ADARB2: variants seen among roughly 807,000 people sequenced by gnomAD.
The protein encoded by ADARB2 is adenosine deaminase RNA specific B2 (inactive), also known as inactive double-stranded RNA-specific editase B2.
Under a neutral mutation model 62.2 loss-of-function variants are expected in ADARB2, and 25 were observed. That is an observed-to-expected ratio of 0.40 (90% CI 0.29 to 0.56). The LOEUF (loss-of-function observed/expected upper bound fraction) is 0.56, where lower values mean the gene tolerates loss of function less well. Ranked by LOEUF, ADARB2 falls within the 20% of genes least tolerant of loss-of-function variation. The pLI is 0.43. For missense variants in ADARB2, 1,071 were observed against 1,077.4 expected (o/e 0.99, Z 0.08); for synonymous variants, 572 against 500.8 (o/e 1.14, Z -1.90).
At chr10:1,698,283 G>A (rs1407103570) in intron 1 of ADARB2, among the ~76,000 whole-genome samples, 4 of 152,164 alleles carry the variant, frequency 2.6e-5, no homozygotes, top group Non-Finnish European at 4.4e-5. Context: ...ATTAGCAGGT[G>A]CGGGACACGG....
intron 1 of ADARB2, among the ~76,000 whole-genome samples, chr10:1,727,732 C>T (rs1257254053): frequency 2.6e-5 from 4 of 151,908 alleles, no homozygotes; most frequent in African/African-American, 7.3e-5. Context: ...TATTTTTGTT[C>T]CCTGTTCGGA....
intron 4 of ADARB2, among the ~76,000 whole-genome samples, chr10:1,249,819 C>A (rs984317327): frequency 6.6e-6 from 1 of 151,894 alleles, no homozygotes; most frequent in Non-Finnish European, 1.5e-5. Flanking sequence ...GTCTGGAAAC[C>A]TCCAGAGAAT....
intron 1 of ADARB2, among the ~76,000 whole-genome samples, chr10:1,521,711 A>G (rs1339296577): frequency 2.0e-5 from 3 of 152,188 alleles, no homozygotes; most frequent in Non-Finnish European, 4.4e-5. Context: ...CTTTGGACAA[A>G]TTCAACCAAT....
chr10:1,563,745 G>A (rs1293808360), intron 1 of ADARB2, among the ~76,000 whole-genome samples: 1 of 147,992 alleles, frequency 6.8e-6, no homozygotes, highest in Non-Finnish European at 1.5e-5. Flanking sequence ...TCGTCATCTA[G>A]CATTAGGTAT....
intron 1 of ADARB2, among the ~76,000 whole-genome samples, chr10:1,407,880 T>C (rs1832720433): frequency 6.6e-6 from 1 of 152,172 alleles, no homozygotes; most frequent in Admixed American, 6.5e-5. Flanking sequence ...ACCCAAAGCC[T>C]CCCAGCAGAA....
chr10:1,590,099 C>G (rs926438657), intron 1 of ADARB2, among the ~76,000 whole-genome samples: 5 of 152,200 alleles, frequency 3.3e-5, no homozygotes, highest in African/African-American at 1.2e-4. Flanking sequence ...GGCAGCATCG[C>G]CTCCATGGTT....
intron 1 of ADARB2, among the ~76,000 whole-genome samples, chr10:1,459,947 G>A (rs61834368): frequency 0.097 from 10,216 of 105,400 alleles, 441 homozygotes; most frequent in African/African-American, 0.18. Flanking sequence ...CCTGCGTTAC[G>A]AACCTGCCTG....
At chr10:1,703,344 G>A (rs1395195348) in intron 1 of ADARB2, among the ~76,000 whole-genome samples, 2 of 152,200 alleles carry the variant, frequency 1.3e-5, no homozygotes, top group African/African-American at 4.8e-5. Context: ...TGGGGCCTGT[G>A]GGGACCTGGA....
In ADARB2 at chr10:1,363,034, C is replaced by T. The variant is rs779833014; in HGVS notation, c.1071G>A (p.Met357Ile). 1.4e-6 allele frequency: 2 copies of T among 1,391,990 alleles called. No individual in the cohort carries two copies. Among genetic ancestry groups the T allele is most frequent in the South Asian group, 3.3e-5 (2 of 60,876 alleles). The allele number at this position is 1,391,990 out of a possible 1,614,324, so 86.2% of individuals were successfully genotyped here. ...CACCCGCCGCGCCCCTCACCTGCGG[C>T]ATTGGCGTCCTCCTGGCCCTGCCGG... ...HAPGRARRTP[M>I]PQEFADSISQ... Residue 357 changes from methionine to isoleucine, a missense_variant, in exon 3 of 10, where the codon ATG becomes ATA. Transcript: ENST00000381312.
At chr10:1,346,919 G>A (rs1178779438) in intron 3 of ADARB2, among the ~76,000 whole-genome samples, 1 of 152,264 alleles carries the variant, frequency 6.6e-6, no homozygotes, top group African/African-American at 2.4e-5. Flanking sequence ...GGGGACGTGT[G>A]CCTGTTTGCT....
chr10:1,658,266 C>T (rs1834198105), intron 1 of ADARB2, among the ~76,000 whole-genome samples: 1 of 151,694 alleles, frequency 6.6e-6, no homozygotes, highest in Admixed American at 6.6e-5. Flanking sequence ...CTGATTCTCT[C>T]TGTTTTTCTC....
intron 1 of ADARB2, among the ~76,000 whole-genome samples, chr10:1,617,603 A>T (rs1223532797): frequency 3.8e-5 from 5 of 130,800 alleles, no homozygotes; most frequent in African/African-American, 6.0e-5. Flanking sequence ...TGCCCTGCTG[A>T]GCTCTGCATC....
chr10:1,617,526 G>A (rs1016627183), intron 1 of ADARB2, among the ~76,000 whole-genome samples: 1 of 148,318 alleles, frequency 6.7e-6, no homozygotes, highest in African/African-American at 2.5e-5. Flanking sequence ...TGCCTCCTGG[G>A]AACTGACCTC....
intron 1 of ADARB2, chr10:1,534,705 C>T (rs41314952): frequency 0.18 from 28,755 of 163,342 alleles, 3,157 homozygotes; most frequent in Non-Finnish European, 0.23. Context: ...CGTGTGCAGC[C>T]CCGTCACTGA....
At chr10:1,274,934 C>A (rs146643986) in intron 3 of ADARB2, among the ~76,000 whole-genome samples, 1 of 152,138 alleles carries the variant, frequency 6.6e-6, no homozygotes, top group Non-Finnish European at 1.5e-5. Context: ...CAGCTGCGGC[C>A]GGGACACGGG....
At chr10:1,229,860 G>T (rs1383016841) in intron 6 of ADARB2, among the ~76,000 whole-genome samples, 1 of 126,218 alleles carries the variant, frequency 7.9e-6, no homozygotes, top group Non-Finnish European at 1.6e-5. Context: ...GTGTGTGTGT[G>T]TGTGTGTGGG....
chr10:1,690,330 G>A (rs1312797372), intron 1 of ADARB2, among the ~76,000 whole-genome samples: 1 of 152,182 alleles, frequency 6.6e-6, no homozygotes, highest in Admixed American at 6.5e-5. Flanking sequence ...AGCAACTTAT[G>A]ACATATCTGC....
At position 1,242,136 on chromosome 10, in the gene ADARB2, G is replaced by T. The variant is rs1830930939; in HGVS notation, c.1356C>A (p.His452Gln). 2.5e-6 allele frequency: 4 copies of T among 1,605,846 alleles called. No homozygotes were observed. Among genetic ancestry groups the T allele is most frequent in the Non-Finnish European group, 3.4e-6 (4 of 1,178,332 alleles). ...LHFLYTQLEL[H>Q]LSKRREDSER... Reference sequence around the variant, plus strand: ...GCCCGTCCCCAGCCGCTCACCTCAGGTGCAGCTCCAGCTGCGTGTAGAGGA... The same window carrying T: ...GCCCGTCCCCAGCCGCTCACCTCAGTTGCAGCTCCAGCTGCGTGTAGAGGA... Residue 452 changes from histidine (H) to glutamine (Q), a missense_variant, in exon 5 of 10, where the codon CAC becomes CAA. Coordinates refer to ENST00000381312, the MANE Select transcript of ADARB2 (RefSeq NM_018702.4).
chr10:1,346,849 A>T (rs1006391681), intron 3 of ADARB2, among the ~76,000 whole-genome samples: 9 of 152,246 alleles, frequency 5.9e-5, no homozygotes, highest in Middle Eastern at 3.2e-3. Flanking sequence ...GGAAAATACT[A>T]CAGGAGTGAG....
Sources: allele counts gnomAD v4.1 joint callset (sites outside exome capture counted in the v4.1 genomes callset), GRCh38; gene constraint gnomAD v4.1.1; transcripts MANE v1.5; gene names NCBI Gene and HGNC (gene_info 2026-07-23, HGNC 2026-07-21).